Variants in DNAH14 observed in about 807,000 individuals in gnomAD.
DNAH14 encodes the protein axonemal beta dynein heavy chain 14.
In DNAH14, 478 loss-of-function variants were observed where a neutral mutation model predicts 520.9. The observed-to-expected ratio is 0.92, with a 90% CI of 0.85 to 0.99. DNAH14 has a LOEUF of 0.99. Ranked by LOEUF, DNAH14 falls within the 50% of genes least tolerant of loss-of-function variation. The pLI is 0.00. For synonymous variants in DNAH14, 1,581 were observed against 1,757.2 expected, an observed-to-expected ratio of 0.90 and a Z score of 2.51; for missense variants, 4,831 against 5,234.5, an observed-to-expected ratio of 0.92 and a Z score of 2.38.
At chr1:225,028,632 A>C (rs536407184) in intron 11 of DNAH14, among the ~76,000 whole-genome samples, 1 of 152,090 alleles carries the variant, frequency 6.6e-6, no homozygotes, top group Non-Finnish European at 1.5e-5. Flanking sequence ...GTTAATTTTA[A>C]AATGGGTGAA....
At chr1:225,046,740 C>G (rs1250645109) in intron 15 of DNAH14, among the ~76,000 whole-genome samples, 2 of 152,064 alleles carry the variant, frequency 1.3e-5, no homozygotes, top group Non-Finnish European at 2.9e-5. Flanking sequence ...TCTCCTTTTT[C>G]TCTCTTTTTT....
chr1:225,373,914 G>T lies in DNAH14; in HGVS notation c.12319-774G>T, dbSNP rs777724615. On this transcript the variant is annotated intron_variant, in intron 77 of 85. Transcript: ENST00000682510. ...GCCAAGGCAGGCGGATCGCTTGAGC[G>T]CAGGAGTTCCAGACCAGCCTGGGCA... 3.6e-4 allele frequency among the ~76,000 whole-genome samples: 54 copies of T among 151,282 alleles called. 1 individual carries two copies. The highest frequency in any genetic ancestry group is 6.9e-4 in the Non-Finnish European group (47 of 67,754).
chr1:225,032,048 G>T (rs2066570177), intron 11 of DNAH14, among the ~76,000 whole-genome samples: 1 of 151,748 alleles, frequency 6.6e-6, no homozygotes, highest in Non-Finnish European at 1.5e-5. Flanking sequence ...GATAATGTGA[G>T]ACTCTTTGGA....
At chr1:225,257,845 T>C in intron 44 of DNAH14, 115 bp from the exon 45 acceptor site, 1 of 925,418 alleles carries the variant, frequency 1.1e-6, no homozygotes, top group East Asian at 2.9e-5. Flanking sequence ...AGCCATGTAC[T>C]TTTCATATAT....
chr1:224,967,998 C>T (rs1177495756), intron 6 of DNAH14: 7 of 975,700 alleles, frequency 7.2e-6, no homozygotes. Context: ...TGATATTTAT[C>T]ACAAGTTGAA....
rs1014054290 is a variant in DNAH14, at chr1:225,050,269, A to T, written c.1972A>T (p.Ile658Leu). 1.3e-6 allele frequency: 2 copies of T among 1,550,366 alleles called. No homozygotes were observed. Among genetic ancestry groups the T allele is most frequent in the African/African-American group, 2.7e-5 (2 of 73,010 alleles). The change falls in exon 16 of 86, where the codon ATA becomes TTA. Residue 658 changes from isoleucine (I) to leucine (L), a missense_variant. Ile to Leu is a conservative substitution (Grantham distance 5). Coordinates refer to ENST00000682510, the MANE Select transcript of DNAH14 (RefSeq NM_001367479.1). ...GTCTATCTTCATTGATTTGGTTTCAATAATGGATTTACCTAATAAGACAGG... is the reference window on the plus strand; with the variant it reads ...GTCTATCTTCATTGATTTGGTTTCATTAATGGATTTACCTAATAAGACAGG... ...QLSIFIDLVS[I>L]MDLPNKTGSI...
At chr1:225,163,137 CAAAAAAAA>C (rs34356854) in intron 35 of DNAH14, among the ~76,000 whole-genome samples, 3 of 53,682 alleles carry the variant, frequency 5.6e-5, no homozygotes, top group African/African-American at 1.4e-4. Flanking sequence ...GACCCTATCT[CAAAAAAAA>C]AAAAAAAAAA....
intron 21 of DNAH14, among the ~76,000 whole-genome samples, chr1:225,086,268 G>T (rs1267458143): frequency 1.3e-5 from 2 of 150,980 alleles, no homozygotes; most frequent in Non-Finnish European, 3.0e-5. Flanking sequence ...GAGTAGCTGG[G>T]ACTACAGGTG....
intron 23 of DNAH14, among the ~76,000 whole-genome samples, chr1:225,106,289 A>C (rs1207452054): frequency 1.3e-5 from 2 of 151,722 alleles, no homozygotes; most frequent in Non-Finnish European, 2.9e-5. Context: ...GGATAACCCG[A>C]CCTTTCTCTC....
Position 225,259,030 on chromosome 1 carries a change from A to G in DNAH14, c.7025-91A>G, listed in dbSNP as rs1574348990. ...AAAAACACTTTTTATGCAATTTTCA[A>G]TTGAGGGAGAATGTTATTGGTTCAT... is the stretch of plus-strand genomic sequence containing the variant. On this transcript the variant is annotated intron_variant, in intron 45 of 85. Transcript: ENST00000682510. The G allele has an allele frequency of 3.8e-6, 5 of 1,312,984 alleles. No individual in the cohort carries two copies. In the South Asian group the frequency reaches 6.8e-5, roughly 18 times the overall value. The allele number at this position is 1,312,984 out of a possible 1,614,324, so 81.3% of individuals were successfully genotyped here.
At chr1:224,933,436 A>C (rs898166128) in intron 1 of DNAH14, among the ~76,000 whole-genome samples, 1 of 151,956 alleles carries the variant, frequency 6.6e-6, no homozygotes, top group Non-Finnish European at 1.5e-5. Flanking sequence ...TCTGGCCTGA[A>C]TGTTCTGGCT....
intron 17 of DNAH14, among the ~76,000 whole-genome samples, chr1:225,067,727 G>A (rs1180212914): frequency 6.6e-6 from 1 of 151,966 alleles, no homozygotes; most frequent in East Asian, 1.9e-4. Context: ...GTGATGTTGA[G>A]CTTTTTTTTC....
chr1:225,394,739 G>A (rs1170114448), intron 84 of DNAH14, among the ~76,000 whole-genome samples: 1 of 152,054 alleles, frequency 6.6e-6, no homozygotes, highest in Non-Finnish European at 1.5e-5. Flanking sequence ...AGCTACTTGG[G>A]AGGCTGAGGC....
intron 17 of DNAH14, among the ~76,000 whole-genome samples, chr1:225,062,549 AG>A: frequency 1.6e-5 from 1 of 61,700 alleles, no homozygotes; most frequent in Non-Finnish European, 6.9e-5. Context: ...GAAGCTATGA[AG>A]AAAAAAAAAG....
At chr1:225,146,934 A>G (rs546838692) in intron 30 of DNAH14, among the ~76,000 whole-genome samples, 170 bp from the exon 31 acceptor site, 5 of 152,318 alleles carry the variant, frequency 3.3e-5, no homozygotes, top group East Asian at 1.9e-4. Flanking sequence ...CTTGTCTAGC[A>G]TCTAAGCAGC....
At chr1:225,324,551 T>A (rs2094616310) in intron 63 of DNAH14, among the ~76,000 whole-genome samples, 186 bp from the exon 64 acceptor site, 1 of 152,252 alleles carries the variant, frequency 6.6e-6, no homozygotes, top group African/African-American at 2.4e-5. Context: ...ACAACTATGC[T>A]AGTATTTGTG....
At chr1:225,268,969 A>G (rs1184102569) in intron 49 of DNAH14, among the ~76,000 whole-genome samples, 1 of 152,208 alleles carries the variant, frequency 6.6e-6, no homozygotes, top group East Asian at 1.9e-4. Flanking sequence ...ACAGAATTGG[A>G]AAAAACTACT....
intron 53 of DNAH14, among the ~76,000 whole-genome samples, chr1:225,276,869 C>T (rs1558240715): frequency 6.7e-6 from 1 of 148,422 alleles, no homozygotes; most frequent in Non-Finnish European, 1.5e-5. Flanking sequence ...TGCAGTGAGC[C>T]GTGATTGTGA....
intron 49 of DNAH14, among the ~76,000 whole-genome samples, chr1:225,269,157 C>G (rs2149816555): frequency 6.6e-6 from 1 of 152,128 alleles, no homozygotes; most frequent in African/African-American, 2.4e-5. Flanking sequence ...CAGAACAGAG[C>G]CCTCAGAAAT....
Sources: allele counts gnomAD v4.1 joint callset (sites outside exome capture counted in the v4.1 genomes callset), GRCh38; gene constraint gnomAD v4.1.1; transcripts MANE v1.5; gene names NCBI Gene and HGNC (gene_info 2026-07-23, HGNC 2026-07-21).